COLQ: variants seen among roughly 807,000 people sequenced by gnomAD.
The protein encoded by COLQ is acetylcholinesterase collagenic tail peptide.
In COLQ, 48 loss-of-function variants were observed where a neutral mutation model predicts 69.0. That is an observed-to-expected ratio of 0.70 (90% CI 0.55 to 0.88). The LOEUF is 0.88. Ranked by LOEUF, COLQ falls within the 40% of genes least tolerant of loss-of-function variation. The pLI is 0.00. For missense variants in COLQ, 618 were observed against 594.6 expected (o/e 1.04, Z -0.41); for synonymous variants, 217 against 211.2 (o/e 1.03, Z -0.24).
Position 15,510,858 on chromosome 3 carries a change from A to AGAAGGAAG in COLQ, c.106+10654_106+10661dup, listed in dbSNP as rs10546993. ...AGGAAGGGAGGGAGAGAGGAAGGAA[A>AGAAGGAAG]GAAGGAAGGAAGGAAGGAAGGAAGG... On this transcript the variant is annotated intron_variant, in intron 1 of 16. Transcript: ENST00000383788. Among the ~76,000 whole-genome samples the AGAAGGAAG allele has an allele frequency of 4.2e-3, 616 of 146,708 alleles. 6 individuals are homozygous for AGAAGGAAG. The highest frequency in any genetic ancestry group is 0.014 in the African/African-American group (567 of 39,152).
chr3:15,513,098 AAATAT>A (rs1286015787), intron 1 of COLQ, among the ~76,000 whole-genome samples: 2 of 152,334 alleles, frequency 1.3e-5, no homozygotes, highest in Non-Finnish European at 2.9e-5. Flanking sequence ...TGTGAAGATT[AAATAT>A]AATATGTGTC....
At chr3:15,496,585 A>G (rs2062749787) in intron 1 of COLQ, among the ~76,000 whole-genome samples, 2 of 152,196 alleles carry the variant, frequency 1.3e-5, no homozygotes, top group Non-Finnish European at 2.9e-5. Context: ...GCCTGCAGAA[A>G]CCTGGGAGCA....
Position 15,458,172 on chromosome 3 carries a change from C to G in COLQ, c.954+14G>C. 6.2e-7 allele frequency: 1 copy of G among 1,612,968 alleles called. No individual in the cohort carries two copies. On this transcript the variant is annotated intron_variant, in intron 13 of 16. Transcript: ENST00000383788. Reference sequence around the variant, plus strand: ...CACGGATAACCACCCCAGACTTCTCCCAGAAAGCCTTACCACAGGAACTCG... The same window carrying G: ...CACGGATAACCACCCCAGACTTCTCGCAGAAAGCCTTACCACAGGAACTCG...
chr3:15,469,329 A>G (rs2062246440), intron 11 of COLQ, among the ~76,000 whole-genome samples: 1 of 152,180 alleles, frequency 6.6e-6, no homozygotes. Context: ...AGCTTCTGGA[A>G]CCCCAAGCTT....
At position 15,451,560 on chromosome 3, in the gene COLQ, G is replaced by C; in HGVS notation, c.*84C>G. The C allele has an allele frequency of 7.9e-7, 1 of 1,272,772 alleles. No homozygotes were observed. Among genetic ancestry groups the C allele is most frequent in the Non-Finnish European group, 1.2e-6 (1 of 868,376 alleles). The allele number at this position is 1,272,772 out of a possible 1,614,324, so 78.8% of individuals were successfully genotyped here. On this transcript the variant is annotated 3_prime_UTR_variant, in exon 17 of 17. Coordinates refer to ENST00000383788, the MANE Select transcript of COLQ (RefSeq NM_005677.4). ...TTGTCACACAAAGGTTGGTGGAGACGGGGCCAGGACATGGCCAGTTTGATG... is the reference window on the plus strand; with the variant it reads ...TTGTCACACAAAGGTTGGTGGAGACCGGGCCAGGACATGGCCAGTTTGATG...
In COLQ at chr3:15,454,651, G is replaced by GTTTTTT. The variant is rs56053367; in HGVS notation, c.1196-726_1196-721dup. Among the ~76,000 whole-genome samples, 24 of 118,142 alleles carry GTTTTTT rather than the reference G, an allele frequency of 2.0e-4. 1 individual carries two copies. Among genetic ancestry groups the GTTTTTT allele is most frequent in the African/African-American group, 7.7e-4 (22 of 28,426 alleles). The allele number at this position is 118,142 out of a possible 152,430, so 77.5% of individuals were successfully genotyped here. The stretch of plus-strand genomic sequence containing the variant: ...TGCCCTGTCATCCTTCCCCTGAACT[G>GTTTTTT]TTTTTTTTTTTTTTTTTTTTTTGAG... On this transcript the variant is annotated intron_variant, in intron 15 of 16. Transcript: ENST00000383788.
chr3:15,483,683 T>C (rs535126352), intron 3 of COLQ, among the ~76,000 whole-genome samples: 19 of 152,352 alleles, frequency 1.2e-4, no homozygotes, highest in Middle Eastern at 3.4e-3. Flanking sequence ...GAAGAATGTA[T>C]ATTCTGTTGA....
rs777613214 is a variant in COLQ at position 15,489,579 on chromosome 3, C to A, written c.165G>T (p.Thr55=). Residue 55 remains threonine (T), a synonymous_variant, in exon 2 of 17, where the codon ACG becomes ACT. Coordinates refer to ENST00000383788, the MANE Select transcript of COLQ (RefSeq NM_005677.4). ...GTGGGAACAGTGGTGGTGGAGGAGG[C>A]GTCAGCAGGCAGCATGCTTTGTGGC... is the stretch of plus-strand genomic sequence containing the variant. ...RGGHKACCLL[T]PPPPPLFPPP... The A allele has an allele frequency of 6.2e-7, 1 of 1,614,214 alleles. No individual in the cohort carries two copies. Among genetic ancestry groups the A allele is most frequent in the Admixed American group, 1.7e-5 (1 of 60,008 alleles).
rs1451960684 is a variant in COLQ, at chr3:15,463,472, A to G, written c.814+2869T>C. Among the ~76,000 whole-genome samples the G allele has an allele frequency of 3.3e-5, 5 of 150,760 alleles. No homozygotes were observed. The East Asian group carries it at 9.7e-4, about 29-fold the overall frequency. On this transcript the variant is annotated intron_variant, in intron 12 of 16. Transcript: ENST00000383788. ...TGCCATTCTCCTGCCTCAGCCTCCC[A>G]TGTAGCTGGGACTACAGGCGCCCGC...
Position 15,507,533 on chromosome 3 carries a change from C to A in COLQ, c.106+13987G>T, listed in dbSNP as rs550048369. On this transcript the variant is annotated intron_variant, in intron 1 of 16. Coordinates refer to ENST00000383788, the MANE Select transcript of COLQ (RefSeq NM_005677.4). Reference sequence around the variant, plus strand: ...ACAGTGGTGCAATCACAGTTCACTGCAGCCTTGACCTCCCAAGCTCAAACA... The same window carrying A: ...ACAGTGGTGCAATCACAGTTCACTGAAGCCTTGACCTCCCAAGCTCAAACA... 7.2e-5 allele frequency among the ~76,000 whole-genome samples: 11 copies of A among 152,242 alleles called. No individual in the cohort carries two copies. In the East Asian group the frequency reaches 2.1e-3, roughly 29 times the overall value.
At chr3:15,453,043 G>A (rs913851381) in intron 16 of COLQ, among the ~76,000 whole-genome samples, 5 of 152,222 alleles carry the variant, frequency 3.3e-5, no homozygotes, top group Admixed American at 1.3e-4. Flanking sequence ...CATGGCCTAG[G>A]TAAAAAGGAA....
chr3:15,521,363 C>T (rs774367657), intron 1 of COLQ, among the ~76,000 whole-genome samples, 157 bp downstream of exon 1: 3 of 152,198 alleles, frequency 2.0e-5, no homozygotes, highest in African/African-American at 4.8e-5. Context: ...GAGACAAGCT[C>T]GGGTGACAGG....
chr3:15,456,029 G>T lies in COLQ; in HGVS notation c.1075-10C>A. On this transcript the variant is annotated splice_polypyrimidine_tract_variant and intron_variant, in intron 14 of 16. Transcript: ENST00000383788. ...GGTAGAAAGGGGTCAGCTGGCCAAAGAAGCACACAGCATTAACTGGAGCAT... is the reference window on the plus strand; with the variant it reads ...GGTAGAAAGGGGTCAGCTGGCCAAATAAGCACACAGCATTAACTGGAGCAT... 1.2e-6 allele frequency: 2 copies of T among 1,613,990 alleles called. No individual in the cohort carries two copies. The highest frequency in any genetic ancestry group is 1.7e-6 in the Non-Finnish European group (2 of 1,179,932).
chr3:15,501,304 G>A (rs972946328), intron 1 of COLQ, among the ~76,000 whole-genome samples: 4 of 152,190 alleles, frequency 2.6e-5, no homozygotes, highest in African/African-American at 9.7e-5. Context: ...TCCTGTCCCT[G>A]CTGCTGCCAC....
In COLQ at chr3:15,498,558, A is replaced by G. The variant is rs1014574309; in HGVS notation, c.107-8921T>C. 6 of 1,551,892 alleles carry G rather than the reference A, an allele frequency of 3.9e-6. No individual in the cohort carries two copies. The African/African-American group carries it at 5.5e-5, about 14-fold the overall frequency. ...AGAGCAGTCCTGAAATGATGAGCAG[A>G]TGAGCGAGGCTGAATGATGAGCCCG... On this transcript the variant is annotated intron_variant, in intron 1 of 16. Coordinates refer to ENST00000383788, the MANE Select transcript of COLQ (RefSeq NM_005677.4).
In COLQ at chr3:15,478,624, G is replaced by A. The variant is rs557344196; in HGVS notation, c.393+353C>T. On this transcript the variant is annotated intron_variant, in intron 5 of 16. Coordinates refer to ENST00000383788, the MANE Select transcript of COLQ (RefSeq NM_005677.4). Reference sequence around the variant, plus strand: ...TTATTCAAATTTAATCAAACAGAGAGTGACAGTCATTCAATGTCACTGGTT... The same window carrying A: ...TTATTCAAATTTAATCAAACAGAGAATGACAGTCATTCAATGTCACTGGTT... 6.3e-5 allele frequency: 25 copies of A among 397,744 alleles called. No homozygotes were observed. In the Admixed American group the frequency reaches 9.1e-4, roughly 15 times the overall value. 24.6% of individuals were successfully genotyped at this position (397,744 alleles called of 1,614,324 possible).
At chr3:15,485,451 G>A (rs761335548) in intron 3 of COLQ, among the ~76,000 whole-genome samples, 24 of 152,292 alleles carry the variant, frequency 1.6e-4, no homozygotes, top group East Asian at 3.9e-4. Flanking sequence ...GAAATCAACC[G>A]TCTTCTGCAT....
At chr3:15,457,912 C>T (rs760960630) in intron 13 of COLQ, among the ~76,000 whole-genome samples, 1 of 152,078 alleles carries the variant, frequency 6.6e-6, no homozygotes, top group Non-Finnish European at 1.5e-5. Context: ...CCACCATGCC[C>T]GGCCAAAAGT....
Position 15,450,721 on chromosome 3 carries a change from C to T in COLQ, c.*923G>A, listed in dbSNP as rs2061929694. Reference sequence around the variant, plus strand: ...GAACGCTCTGCCTAGAGAGAGCCCTCTGCAGCTGGCCCTAGATCGGGGACT... The same window carrying T: ...GAACGCTCTGCCTAGAGAGAGCCCTTTGCAGCTGGCCCTAGATCGGGGACT... On this transcript the variant is annotated 3_prime_UTR_variant, in exon 17 of 17. Transcript: ENST00000383788. 1 of 152,412 alleles carries T rather than the reference C, an allele frequency of 6.6e-6. No individual in the cohort carries two copies. Among genetic ancestry groups the T allele is most frequent in the African/African-American group, 2.4e-5 (1 of 41,474 alleles). The allele number at this position is 152,412 out of a possible 1,614,324, so 9.4% of individuals were successfully genotyped here.
Sources: allele counts gnomAD v4.1 joint callset (sites outside exome capture counted in the v4.1 genomes callset), GRCh38; gene constraint gnomAD v4.1.1; transcripts MANE v1.5; gene names NCBI Gene and HGNC (gene_info 2026-07-23, HGNC 2026-07-21).